NIPAL2: variants seen among roughly 807,000 people sequenced by gnomAD.
NIPAL2 encodes NIPA like domain containing 2, also known as NIPA-like protein 2.
NIPAL2 carries 43 observed loss-of-function variants against 48.9 expected under a neutral mutation model. That is an observed-to-expected ratio of 0.88 (90% CI 0.69 to 1.13). The LOEUF is 1.13. Ranked by LOEUF, NIPAL2 falls within the 50% of genes most tolerant of loss-of-function variation. The probability of loss-of-function intolerance (pLI) is 0.00; values close to 1 mark genes in which losing one functional copy is unlikely to be tolerated. For missense variants in NIPAL2, 446 were observed against 461.4 expected (o/e 0.97, Z 0.31); for synonymous variants, 167 against 174.6 (o/e 0.96, Z 0.34).
chr8:98,289,666 C>T (rs1481794991), intron 1 of NIPAL2, among the ~76,000 whole-genome samples: 1 of 151,908 alleles, frequency 6.6e-6, no homozygotes, highest in Non-Finnish European at 1.5e-5. Flanking sequence ...CTGCCTTATA[C>T]ATACATCTCC....
chr8:98,251,067 C>G (rs1813562275), intron 3 of NIPAL2, among the ~76,000 whole-genome samples: 1 of 151,978 alleles, frequency 6.6e-6, no homozygotes, highest in South Asian at 2.1e-4. Flanking sequence ...AAAGGCTTCC[C>G]AGGACCAGGA....
intron 3 of NIPAL2, among the ~76,000 whole-genome samples, chr8:98,250,149 T>C (rs1813513878): frequency 6.6e-6 from 1 of 152,024 alleles, no homozygotes; most frequent in Non-Finnish European, 1.5e-5. Context: ...CAACAAAAGA[T>C]AGAAGAAAAA....
intron 4 of NIPAL2, among the ~76,000 whole-genome samples, chr8:98,235,756 T>C (rs1319654341): frequency 6.6e-6 from 1 of 151,670 alleles, no homozygotes; most frequent in Non-Finnish European, 1.5e-5. Context: ...AAGGGAGGCA[T>C]TGTTTTATTT....
At chr8:98,213,082 T>C (rs1156569488) in intron 5 of NIPAL2, among the ~76,000 whole-genome samples, 1 of 152,206 alleles carries the variant, frequency 6.6e-6, no homozygotes, top group African/African-American at 2.4e-5. Context: ...ACATATATGA[T>C]GCACATCAAA....
At chr8:98,203,071 G>A in intron 8 of NIPAL2, 37 bp downstream of exon 8, 3 of 1,451,726 alleles carry the variant, frequency 2.1e-6, no homozygotes, top group Non-Finnish European at 2.9e-6. Context: ...CTTCATTTAT[G>A]CTTGGAATCA....
intron 5 of NIPAL2, chr8:98,217,100 C>G: frequency 1.0e-6 from 1 of 985,466 alleles, no homozygotes; most frequent in Non-Finnish European, 1.2e-6. Flanking sequence ...GATTGCCCAT[C>G]TGCAGCAGAC....
At position 98,240,146 on chromosome 8, in the gene NIPAL2, G is replaced by A. The variant is rs1812913155; in HGVS notation, c.377-3932C>T. 2.0e-5 allele frequency among the ~76,000 whole-genome samples: 3 copies of A among 152,178 alleles called. No homozygotes were observed. In the South Asian group the frequency reaches 6.2e-4, roughly 32 times the overall value. ...ATTAAACAGATTTGTACTAGTTATG[G>A]TTAAACCATAGTTATGACTGGATAT... On this transcript the variant is annotated intron_variant, in intron 3 of 10. Transcript: ENST00000430223.
Position 98,191,768 on chromosome 8 carries a change from T to G in NIPAL2, c.*1210A>C, listed in dbSNP as rs1810313437. ...ATAAATAACAGATATTATTATGGAT[T>G]CTACCTGCAAATGTGTCTTAGCAGA... On this transcript the variant is annotated 3_prime_UTR_variant, in exon 11 of 11. Transcript: ENST00000430223. The G allele has an allele frequency of 6.6e-6, 1 of 152,222 alleles. No homozygotes were observed. The highest frequency in any genetic ancestry group is 2.1e-4 in the South Asian group (1 of 4,832). The allele number at this position is 152,222 out of a possible 1,614,324, so 9.4% of individuals were successfully genotyped here.
At chr8:98,245,415 C>T (rs1813259899) in intron 3 of NIPAL2, among the ~76,000 whole-genome samples, 1 of 152,138 alleles carries the variant, frequency 6.6e-6, no homozygotes, top group Non-Finnish European at 1.5e-5. Flanking sequence ...GGGAAAAGTT[C>T]TACCATTCAT....
intron 3 of NIPAL2, chr8:98,251,560 A>C (rs1813590804): frequency 6.6e-6 from 1 of 152,212 alleles, no homozygotes; most frequent in African/African-American, 2.4e-5. Context: ...AGACCTCATT[A>C]AAGTATTTTA....
chr8:98,250,229 A>C (rs1259165433), intron 3 of NIPAL2, among the ~76,000 whole-genome samples: 4 of 152,200 alleles, frequency 2.6e-5, no homozygotes, highest in Non-Finnish European at 5.9e-5. Flanking sequence ...ATTCAACGGG[A>C]GATTTGATTT....
At position 98,275,249 on chromosome 8, in the gene NIPAL2, G is replaced by T. The variant is rs114677485; in HGVS notation, c.135+18754C>A. ...CCATAAGACTCCCTTGTATTACCCC[G>T]TTATAGATATATCCTCTTTCCCTCA... On this transcript the variant is annotated intron_variant, in intron 1 of 10. Coordinates refer to ENST00000430223, the MANE Select transcript of NIPAL2 (RefSeq NM_001321635.2). 3.2e-3 allele frequency among the ~76,000 whole-genome samples: 489 copies of T among 151,842 alleles called. 1 individual carries two copies. The highest frequency in any genetic ancestry group is 0.011 in the African/African-American group (456 of 41,432).
intron 1 of NIPAL2, among the ~76,000 whole-genome samples, chr8:98,262,157 C>A (rs994415015): frequency 6.8e-6 from 1 of 148,142 alleles, no homozygotes; most frequent in African/African-American, 2.5e-5. Context: ...ACAACCGGTA[C>A]CAGCCGCTGC....
At chr8:98,262,732 C>T (rs1814433622) in intron 1 of NIPAL2, among the ~76,000 whole-genome samples, 1 of 151,266 alleles carries the variant, frequency 6.6e-6, no homozygotes, top group South Asian at 2.1e-4. Flanking sequence ...GACAGAAAGT[C>T]AACAAGGATA....
At chr8:98,242,409 A>G (rs964288194) in intron 3 of NIPAL2, among the ~76,000 whole-genome samples, 17 of 151,540 alleles carry the variant, frequency 1.1e-4, no homozygotes, top group African/African-American at 4.1e-4. Flanking sequence ...CTGGTCTCAA[A>G]CGTCTGGGCT....
intron 1 of NIPAL2, among the ~76,000 whole-genome samples, chr8:98,271,598 G>A (rs1301584788): frequency 1.3e-5 from 2 of 152,058 alleles, no homozygotes; most frequent in African/African-American, 2.4e-5. Flanking sequence ...TTTTGGCAGA[G>A]TTGTTAGGGT....
At chr8:98,280,730 C>A in intron 1 of NIPAL2, among the ~76,000 whole-genome samples, 3 of 49,064 alleles carry the variant, frequency 6.1e-5, no homozygotes, top group Non-Finnish European at 1.3e-4. Flanking sequence ...TTCAAATAGT[C>A]CATTACTATA....
At chr8:98,277,451 C>A (rs113179135) in intron 1 of NIPAL2, among the ~76,000 whole-genome samples, 24,118 of 152,048 alleles carry the variant, frequency 0.16, 2,549 homozygotes, top group Admixed American at 0.26. Flanking sequence ...ATGGGAGAAT[C>A]GCTTGAACCT....
intron 10 of NIPAL2, chr8:98,193,399 C>T: frequency 1.2e-6 from 2 of 1,614,110 alleles, no homozygotes; most frequent in Non-Finnish European, 1.7e-6. Flanking sequence ...AAGCCTTTCT[C>T]TCTGGGGTTG....
Sources: gnomAD v4.1 joint callset for allele counts (sites outside exome capture counted in the v4.1 genomes callset) on GRCh38, gnomAD v4.1.1 for gene constraint, MANE v1.5 for transcripts, NCBI Gene and HGNC (gene_info 2026-07-23, HGNC 2026-07-21) for gene names.